Variants in ATF7IP observed in about 807,000 individuals in gnomAD.
The protein encoded by ATF7IP is activating transcription factor 7-interacting protein 1.
Under a neutral mutation model 106.4 loss-of-function variants are expected in ATF7IP, and 23 were observed. That is an observed-to-expected ratio of 0.22 (90% CI 0.16 to 0.31). The LOEUF (loss-of-function observed/expected upper bound fraction) is 0.31. ATF7IP is among the 10% of genes least tolerant of loss of function. The pLI is 1.00. For synonymous variants in ATF7IP, 542 were observed against 539.0 expected (o/e 1.01, Z -0.08); for missense variants, 1,334 against 1,524.3 (o/e 0.88, Z 2.08).
intron 10 of ATF7IP, among the ~76,000 whole-genome samples, chr12:14,472,564 G>A (rs896582283): frequency 2.0e-5 from 3 of 152,008 alleles, no homozygotes; most frequent in African/African-American, 7.2e-5. Flanking sequence ...CCCTGGTCCA[G>A]ATCTTTCCCA....
At chr12:14,452,786 A>G (rs1402802709) in intron 6 of ATF7IP, among the ~76,000 whole-genome samples, 1 of 152,042 alleles carries the variant, frequency 6.6e-6, no homozygotes, top group East Asian at 1.9e-4. Context: ...TTTTCTCCTT[A>G]TCAACATTTT....
Position 14,487,386 on chromosome 12 carries a change from T to C in ATF7IP, c.3280+6201T>C, listed in dbSNP as rs191456845. 5.2e-3 allele frequency among the ~76,000 whole-genome samples: 793 copies of C among 152,278 alleles called. 3 individuals are homozygous for C. Among genetic ancestry groups the C allele is most frequent in the Non-Finnish European group, 8.5e-3 (580 of 68,022 alleles). The stretch of plus-strand genomic sequence containing the variant: ...GCCCACCAGTACTTTAGTGTAGTTA[T>C]ACATCTAGAAGCAAAGAGAGGTGTT... On this transcript the variant is annotated intron_variant, in intron 13 of 14. Transcript: ENST00000261168.
chr12:14,409,386 T>C (rs1041732149), intron 1 of ATF7IP, among the ~76,000 whole-genome samples: 1 of 152,118 alleles, frequency 6.6e-6, no homozygotes. Flanking sequence ...ATAAGGCCTT[T>C]TGGTTATAGT....
At chr12:14,410,012 C>T (rs547888435) in intron 1 of ATF7IP, among the ~76,000 whole-genome samples, 3 of 152,136 alleles carry the variant, frequency 2.0e-5, no homozygotes, top group Non-Finnish European at 4.4e-5. Flanking sequence ...ATAATCACCA[C>T]AATCAATGTT....
intron 13 of ATF7IP, among the ~76,000 whole-genome samples, chr12:14,485,671 A>AGTG (rs1944582684): frequency 6.6e-6 from 1 of 152,208 alleles, no homozygotes; most frequent in Non-Finnish European, 1.5e-5. Flanking sequence ...TGCCCACTGA[A>AGTG]GGCAAATTGC....
Position 14,456,765 on chromosome 12 carries a change from ATTTTC to A in ATF7IP, c.2069+136_2069+140del, listed in dbSNP as rs1348633918. On this transcript the variant is annotated intron_variant, in intron 7 of 14. Transcript: ENST00000261168. ...AGTGTTTGGTGTACTTGGTTAGTATATTTTCTTTTTCTGCTTCATTATATTGTTCA... is the reference window on the plus strand; with the variant it reads ...AGTGTTTGGTGTACTTGGTTAGTATATTTTTCTGCTTCATTATATTGTTCA... The A allele has an allele frequency of 4.6e-6, 3 of 654,698 alleles. No individual in the cohort carries two copies. The African/African-American group carries it at 5.6e-5, about 12-fold the overall frequency. 40.6% of individuals were successfully genotyped at this position (654,698 alleles called of 1,614,324 possible). A position where few individuals can be genotyped will look rare whatever the true frequency, so the allele number is the denominator to read the frequency against.
At chr12:14,462,203 A>G (rs1030013266) in intron 9 of ATF7IP, among the ~76,000 whole-genome samples, 3 of 152,092 alleles carry the variant, frequency 2.0e-5, no homozygotes, top group African/African-American at 7.2e-5. Context: ...TAGTATTTAC[A>G]ATTTAAATGT....
At chr12:14,496,879 T>C (rs1945027457) in intron 14 of ATF7IP, among the ~76,000 whole-genome samples, 1 of 152,210 alleles carries the variant, frequency 6.6e-6, no homozygotes, top group African/African-American at 2.4e-5. Context: ...ATCATTATAA[T>C]GATGATGATG....
At chr12:14,493,295 C>G (rs986263089) in intron 13 of ATF7IP, among the ~76,000 whole-genome samples, 2 of 152,302 alleles carry the variant, frequency 1.3e-5, no homozygotes, top group Admixed American at 1.3e-4. Flanking sequence ...TTAAAGAACT[C>G]AAAACAGTTC....
rs1437201125 is a variant in ATF7IP, at chr12:14,433,592, C to T, written c.1559-745C>T. 9.3e-5 allele frequency among the ~76,000 whole-genome samples: 14 copies of T among 150,404 alleles called. No individual in the cohort carries two copies. In the East Asian group the frequency reaches 2.7e-3, roughly 29 times the overall value. On this transcript the variant is annotated intron_variant, in intron 2 of 14. Coordinates refer to ENST00000261168, the MANE Select transcript of ATF7IP (RefSeq NM_018179.5). ...GGCTAAGGCAGGAGAATCACTTGAA[C>T]CCGGGAGGCGGAGGTTGCAGTGAGA...
chr12:14,494,323 A>ATGTG lies in ATF7IP; in HGVS notation c.3281-1907_3281-1906insGTGT, dbSNP rs1204607449. On this transcript the variant is annotated intron_variant, in intron 13 of 14. Transcript: ENST00000261168. ...TATATATATATATATATATATATATATATATATATATGTGTGTGTGTATAT... is the reference window on the plus strand; with the variant it reads ...TATATATATATATATATATATATATATGTGTATATATATATGTGTGTGTGTATAT... 4.0e-4 allele frequency among the ~76,000 whole-genome samples: 35 copies of ATGTG among 86,862 alleles called. 1 individual carries two copies. The highest frequency in any genetic ancestry group is 1.5e-3 in the African/African-American group (32 of 20,962). 57.0% of individuals were successfully genotyped at this position (86,862 alleles called of 152,430 possible).
At chr12:14,470,434 C>T (rs1047380454) in intron 10 of ATF7IP, among the ~76,000 whole-genome samples, 9 of 151,952 alleles carry the variant, frequency 5.9e-5, no homozygotes, top group African/African-American at 1.9e-4. Context: ...AAAACATAAA[C>T]GTGTTTCTGA....
intron 6 of ATF7IP, among the ~76,000 whole-genome samples, chr12:14,448,615 A>C (rs1053062687): frequency 6.6e-6 from 1 of 152,162 alleles, no homozygotes; most frequent in Non-Finnish European, 1.5e-5. Flanking sequence ...TGCAATGTAC[A>C]TGGGAGTGCA....
In ATF7IP at chr12:14,424,837, C is replaced by T; in HGVS notation, c.922C>T (p.Pro308Ser). The change falls in exon 2 of 15, where the codon CCA (proline) becomes TCA (serine). Residue 308 changes from proline to serine, a missense_variant. Transcript: ENST00000261168. ...AGTTCCTGAAATTGACAATATAGAA[C>T]CAAGTAGCAATAAAGATGATGATTT... ...EPVPEIDNIE[P>S]SSNKDDDFLE... 1 of 1,613,076 alleles carries T rather than the reference C, an allele frequency of 6.2e-7. No individual in the cohort carries two copies. Among genetic ancestry groups the T allele is most frequent in the Non-Finnish European group, 8.5e-7 (1 of 1,179,802 alleles).
At chr12:14,484,906 C>T (rs1316938663) in intron 13 of ATF7IP, among the ~76,000 whole-genome samples, 1 of 152,134 alleles carries the variant, frequency 6.6e-6, no homozygotes, top group African/African-American at 2.4e-5. Flanking sequence ...CATCTCAGGT[C>T]ACATGGTGAC....
chr12:14,487,374 TTAGTG>T (rs1187501899), intron 13 of ATF7IP, among the ~76,000 whole-genome samples: 3 of 152,110 alleles, frequency 2.0e-5, no homozygotes, highest in African/African-American at 7.3e-5. Flanking sequence ...CACCAGTACT[TTAGTG>T]TAGTTATACA....
At chr12:14,466,372 A>G (rs1943832406) in intron 9 of ATF7IP, 154 bp from the exon 10 acceptor site, 1 of 654,864 alleles carries the variant, frequency 1.5e-6, no homozygotes, top group East Asian at 2.8e-5. Flanking sequence ...GAAAGATACT[A>G]TAGCAGTGGT....
rs774319615 is a variant in ATF7IP, at chr12:14,486,139, G to C, written c.3280+4954G>C. 4.6e-5 allele frequency among the ~76,000 whole-genome samples: 7 copies of C among 152,072 alleles called. No homozygotes were observed. In the East Asian group the frequency reaches 9.6e-4, roughly 21 times the overall value. On this transcript the variant is annotated intron_variant, in intron 13 of 14. Transcript: ENST00000261168. ...GTGCCAATTATGCATTTTGGCACTG[G>C]GGAAATGACCACAGGATGAATCCAG...
At chr12:14,429,677 A>G (rs1487723445) in intron 2 of ATF7IP, among the ~76,000 whole-genome samples, 3 of 152,204 alleles carry the variant, frequency 2.0e-5, no homozygotes, top group East Asian at 1.9e-4. Flanking sequence ...TAGAATTGGC[A>G]TGATTTAGTC....
Sources: allele counts gnomAD v4.1 joint callset (sites outside exome capture counted in the v4.1 genomes callset), GRCh38; gene constraint gnomAD v4.1.1; transcripts MANE v1.5; gene names NCBI Gene and HGNC (gene_info 2026-07-23, HGNC 2026-07-21).